Variants in POU2F1 observed in about 807,000 individuals in gnomAD.
POU2F1 encodes POU domain, class 2, transcription factor 1.
A neutral mutation model predicts 84.9 loss-of-function variants in POU2F1; 16 were observed. The ratio of observed to expected loss-of-function variants is 0.19; its 90% CI spans 0.13 to 0.29. The LOEUF is 0.29. Ranked by LOEUF, POU2F1 falls within the 10% of genes least tolerant of loss-of-function variation. POU2F1 has a pLI of 1.00. For synonymous variants in POU2F1, 368 were observed against 368.3 expected (o/e 1.00, Z 0.01); for missense variants, 738 against 942.6 (o/e 0.78, Z 2.84).
At chr1:167,412,610 C>T (rs934835592) in intron 14 of POU2F1, among the ~76,000 whole-genome samples, 1 of 152,062 alleles carries the variant, frequency 6.6e-6, no homozygotes, top group African/African-American at 2.4e-5. Flanking sequence ...TCTTATTTTC[C>T]CCATTAAACT....
intron 1 of POU2F1, among the ~76,000 whole-genome samples, chr1:167,320,178 T>TCA (rs1491324257): frequency 6.6e-6 from 1 of 151,746 alleles, no homozygotes; most frequent in African/African-American, 2.4e-5. Context: ...TTCAACTAAC[T>TCA]GTGTAGAATG....
Position 167,372,005 on chromosome 1 carries a change from A to G in POU2F1, c.371A>G (p.Gln124Arg). 6.2e-7 allele frequency: 1 copy of G among 1,613,944 alleles called. No homozygotes were observed. The highest frequency in any genetic ancestry group is 2.2e-5 in the East Asian group (1 of 44,860). Residue 124 changes from glutamine (Q) to arginine (R), a missense_variant, in exon 5 of 16, where the codon CAG (glutamine) becomes CGG (arginine). Physicochemically the swap from Gln to Arg is conservative, Grantham distance 43 (BLOSUM62 1). Around this residue, in one of 4 missense-constraint regions of POU2F1, gnomAD observed 163 missense variants for 214.4 expected, o/e 0.76. Transcript: ENST00000367866. ...PSVQAAIPQT[Q>R]LMLAGGQITG... ...GTGCAGGCAGCCATTCCCCAGACCC[A>G]GCTTATGCTAGCTGGAGGACAGATA... is the stretch of plus-strand genomic sequence containing the variant.
intron 1 of POU2F1, among the ~76,000 whole-genome samples, chr1:167,260,695 A>G (rs1216918629): frequency 6.6e-6 from 1 of 152,116 alleles, no homozygotes; most frequent in Admixed American, 6.5e-5. Context: ...TTTTGACGCT[A>G]ATTTCCTGTA....
intron 1 of POU2F1, among the ~76,000 whole-genome samples, chr1:167,284,695 TC>T: frequency 6.6e-6 from 1 of 152,238 alleles, no homozygotes. Flanking sequence ...ATATTTTTCC[TC>T]TTCAAAGGGG....
At chr1:167,391,263 G>A (rs1648378378) in intron 9 of POU2F1, among the ~76,000 whole-genome samples, 1 of 151,858 alleles carries the variant, frequency 6.6e-6, no homozygotes, top group African/African-American at 2.4e-5. Flanking sequence ...TTTAAAGCAG[G>A]CAAGGAATTA....
At chr1:167,222,030 T>TC (rs1020214661) in intron 1 of POU2F1, among the ~76,000 whole-genome samples, 12 of 151,744 alleles carry the variant, frequency 7.9e-5, no homozygotes, top group Admixed American at 6.5e-4. Context: ...CCCCCTCCGT[T>TC]CCCCCCACCC....
chr1:167,357,345 C>A, intron 2 of POU2F1: 1 of 38,094 alleles, frequency 2.6e-5, no homozygotes, highest in Admixed American at 2.8e-4. Flanking sequence ...AGATTGCCCC[C>A]CCTCCCCCAC....
intron 13 of POU2F1, among the ~76,000 whole-genome samples, chr1:167,404,145 G>A (rs145226463): frequency 6.6e-6 from 1 of 151,066 alleles, no homozygotes; most frequent in Non-Finnish European, 1.5e-5. Flanking sequence ...TTTTCAATGT[G>A]AATTAATGTA....
At chr1:167,294,321 C>A (rs974592815) in intron 1 of POU2F1, among the ~76,000 whole-genome samples, 3 of 151,916 alleles carry the variant, frequency 2.0e-5, no homozygotes, top group Non-Finnish European at 4.4e-5. Flanking sequence ...TGCACTCCAG[C>A]CTGGGCGACA....
At chr1:167,351,502 A>G (rs1411063405) in intron 2 of POU2F1, among the ~76,000 whole-genome samples, 1 of 146,810 alleles carries the variant, frequency 6.8e-6, no homozygotes, top group African/African-American at 2.5e-5. Context: ...CTGGTCAGGA[A>G]GAATGAAGCA....
intron 6 of POU2F1, 152 bp from the exon 7 acceptor site, chr1:167,375,877 A>G (rs1660292500): frequency 1.1e-6 from 1 of 946,788 alleles, no homozygotes; most frequent in Non-Finnish European, 1.5e-6. Flanking sequence ...TGTCAAGCAC[A>G]CACAGAGCAT....
At chr1:167,250,400 G>A (rs1373680105) in intron 1 of POU2F1, among the ~76,000 whole-genome samples, 1 of 152,092 alleles carries the variant, frequency 6.6e-6, no homozygotes, top group Non-Finnish European at 1.5e-5. Context: ...TAGTTATAAT[G>A]TTACAAATAT....
At chr1:167,298,612 T>A (rs543290973) in intron 1 of POU2F1, among the ~76,000 whole-genome samples, 5 of 152,324 alleles carry the variant, frequency 3.3e-5, no homozygotes, top group Non-Finnish European at 5.9e-5. Context: ...TCGTTTTTTT[T>A]AATTGTGGCT....
intron 7 of POU2F1, chr1:167,379,607 C>G (rs1647367050): frequency 6.6e-6 from 1 of 152,084 alleles, no homozygotes; most frequent in South Asian, 2.1e-4. Context: ...AAGTCAAAAA[C>G]TAGTGGAGAG....
chr1:167,226,623 T>A (rs886585621), intron 1 of POU2F1, among the ~76,000 whole-genome samples: 2 of 152,184 alleles, frequency 1.3e-5, no homozygotes, highest in African/African-American at 4.8e-5. Flanking sequence ...CCGTTTACAG[T>A]ATGTTTAGAA....
intron 1 of POU2F1, among the ~76,000 whole-genome samples, chr1:167,257,332 T>C (rs1042712351): frequency 1.3e-5 from 2 of 152,198 alleles, no homozygotes; most frequent in Admixed American, 6.5e-5. Flanking sequence ...ATTTGCTCTA[T>C]GAAAAGTAAA....
chr1:167,237,601 C>T (rs749553823), intron 1 of POU2F1, among the ~76,000 whole-genome samples: 4 of 151,748 alleles, frequency 2.6e-5, no homozygotes, highest in East Asian at 1.9e-4. Context: ...TCATTTTGTA[C>T]TACCATTTGT....
chr1:167,270,871 A>G (rs368174359), intron 1 of POU2F1, among the ~76,000 whole-genome samples: 6 of 152,186 alleles, frequency 3.9e-5, no homozygotes, highest in East Asian at 3.8e-4. Context: ...CCCCTTCCAC[A>G]TGGTTTTTCA....
At chr1:167,355,291 C>G (rs1658862956) in intron 2 of POU2F1, among the ~76,000 whole-genome samples, 3 of 151,758 alleles carry the variant, frequency 2.0e-5, no homozygotes. Flanking sequence ...TGTCATCTTT[C>G]ATCCCTTCCT....
Sources: allele counts gnomAD v4.1 joint callset (sites outside exome capture counted in the v4.1 genomes callset), GRCh38; gene constraint gnomAD v4.1.1; regional missense constraint gnomAD v4.1.1; transcripts MANE v1.5; gene names NCBI Gene and HGNC (gene_info 2026-07-23, HGNC 2026-07-21).